Variants in AMPD2 observed in about 807,000 individuals in gnomAD.
AMPD2 encodes the protein adenosine monophosphate deaminase 2.
AMPD2 carries 52 observed loss-of-function variants against 91.3 expected under a neutral mutation model. That is an observed-to-expected ratio of 0.57 (90% CI 0.46 to 0.72). AMPD2 has a LOEUF of 0.72. AMPD2 is among the 30% of genes least tolerant of loss of function. AMPD2 has a pLI of 0.00. For synonymous variants in AMPD2, 455 were observed against 456.4 expected (o/e 1.00, Z 0.04); for missense variants, 822 against 1,122.3 (o/e 0.73, Z 3.82).
At chr1:109,627,717 C>T in intron 9 of AMPD2, 57 bp from the exon 10 acceptor site, 1 of 1,602,254 alleles carries the variant, frequency 6.2e-7, no homozygotes, top group South Asian at 1.1e-5. Flanking sequence ...TACCCAAGCC[C>T]TCCCCAGGTG....
chr1:109,631,249 T>C lies in AMPD2; in HGVS notation c.*97T>C. ...GTGTGGTCTCTGCATGTCTCCATTC[T>C]TCTCTGTCTCTGTCTTGCATGTCTC... is the stretch of plus-strand genomic sequence containing the variant. On this transcript the variant is annotated 3_prime_UTR_variant, in exon 19 of 19. Transcript: ENST00000528667. The C allele has an allele frequency of 8.3e-7, 1 of 1,204,004 alleles. No homozygotes were observed. The highest frequency in any genetic ancestry group is 1.4e-5 in the South Asian group (1 of 73,290). The allele number at this position is 1,204,004 out of a possible 1,614,324, so 74.6% of individuals were successfully genotyped here.
chr1:109,626,500 G>T, intron 6 of AMPD2, 73 bp downstream of exon 6: 1 of 1,445,262 alleles, frequency 6.9e-7, no homozygotes, highest in Non-Finnish European at 9.3e-7. Context: ...CTGGAGAGCT[G>T]GGGGTGGGGG....
chr1:109,620,155 C>G lies in AMPD2; in HGVS notation c.-386C>G. On this transcript the variant is annotated 5_prime_UTR_variant, in exon 1 of 19. Coordinates refer to ENST00000528667, the MANE Select transcript of AMPD2 (RefSeq NM_001368809.2). ...CCCATCTCAGTGCCAGGGCAGGGGC[C>G]CTTGGAGTGACTTGGCTGGGGTCTG... 1 of 1,445,300 alleles carries G rather than the reference C, an allele frequency of 6.9e-7. No individual in the cohort carries two copies. Among genetic ancestry groups the G allele is most frequent in the Non-Finnish European group, 9.7e-7 (1 of 1,028,018 alleles). 89.5% of individuals were successfully genotyped at this position (1,445,300 alleles called of 1,614,324 possible).
chr1:109,630,464 G>A, intron 17 of AMPD2, 58 bp downstream of exon 17: 2 of 1,502,600 alleles, frequency 1.3e-6, no homozygotes, highest in Non-Finnish European at 1.8e-6. Flanking sequence ...GGGTCTCCCG[G>A]GTTGGGTGGG....
intron 17 of AMPD2, 114 bp from the exon 18 acceptor site, chr1:109,630,561 AGGGGTTGG>A (rs980367933): frequency 2.4e-5 from 5 of 210,846 alleles, no homozygotes; most frequent in Admixed American, 1.6e-4. Flanking sequence ...TATGGAGTTG[AGGGGTTGG>A]GGGGTTGGGG....
intron 13 of AMPD2, 55 bp from the exon 14 acceptor site, chr1:109,629,054 G>C: frequency 6.3e-7 from 1 of 1,599,920 alleles, no homozygotes; most frequent in Non-Finnish European, 8.5e-7. Context: ...TGGACCGCTG[G>C]GTTTCCTCCC....
At position 109,624,978 on chromosome 1, in the gene AMPD2, C is replaced by T. The variant is rs530914889; in HGVS notation, c.92-325C>T. On this transcript the variant is annotated intron_variant, in intron 2 of 18. Coordinates refer to ENST00000528667, the MANE Select transcript of AMPD2 (RefSeq NM_001368809.2). This position sits in a 1 kb window ranked among gnomAD's most constrained non-coding sequence, Gnocchi z 5.2. ...GTGCACACGTACACACGTGCACCTG[C>T]CTCTGGGAGGTAGTCACGTGGAGAT... Among the ~76,000 whole-genome samples the T allele has an allele frequency of 3.3e-5, 5 of 152,240 alleles. No homozygotes were observed. The South Asian group carries it at 1.0e-3, about 32-fold the overall frequency.
rs1226925472 is a variant in AMPD2 at position 109,631,340 on chromosome 1, T to C, written c.*188T>C. 1.8e-5 allele frequency: 12 copies of C among 666,052 alleles called. No homozygotes were observed. Among genetic ancestry groups the C allele is most frequent in the Non-Finnish European group, 2.6e-6 (1 of 386,590 alleles). The allele number at this position is 666,052 out of a possible 1,614,324, so 41.3% of individuals were successfully genotyped here. On this transcript the variant is annotated 3_prime_UTR_variant, in exon 19 of 19. Transcript: ENST00000528667. ...GCCTGGGAATCTGCTCATTGTTGTT[T>C]GGGCTCAGGTATTGAGCCTGATGGC...
chr1:109,621,133 G>A lies in AMPD2; in HGVS notation c.-43G>A. The A allele has an allele frequency of 6.3e-7, 1 of 1,598,250 alleles. No homozygotes were observed. The highest frequency in any genetic ancestry group is 8.5e-7 in the Non-Finnish European group (1 of 1,172,150). On this transcript the variant is annotated 5_prime_UTR_variant, in exon 2 of 19. In the 5' UTR this introduces an upstream ATG that the reference lacks. Coordinates refer to ENST00000528667, the MANE Select transcript of AMPD2 (RefSeq NM_001368809.2). Reference sequence around the variant, plus strand: ...ATGTGGCAGAGCCAGGCCCCAGCCGGTGCCGCTCAGACTCCCCCGCTGTCG... The same window carrying A: ...ATGTGGCAGAGCCAGGCCCCAGCCGATGCCGCTCAGACTCCCCCGCTGTCG...
At chr1:109,623,889 A>T in intron 2 of AMPD2, 1 of 506,916 alleles carries the variant, frequency 2.0e-6, no homozygotes, top group Non-Finnish European at 2.5e-6. Flanking sequence ...TTATCTCCCA[A>T]CTCTGATGCT....
chr1:109,627,631 C>A, intron 9 of AMPD2, 113 bp downstream of exon 9: 2 of 1,511,816 alleles, frequency 1.3e-6, no homozygotes, highest in East Asian at 2.3e-5. Flanking sequence ...AGTTGCTGAG[C>A]CCTCGACTTC....
Position 109,625,208 on chromosome 1 carries a change from G to T in AMPD2, c.92-95G>T. On this transcript the variant is annotated intron_variant, in intron 2 of 18. Coordinates refer to ENST00000528667, the MANE Select transcript of AMPD2 (RefSeq NM_001368809.2). This position sits in a 1 kb window ranked among gnomAD's most constrained non-coding sequence, Gnocchi z 4.0. ...AGGGACTGCCCTCTTTCCCGACCCT[G>T]GGCTCTCTCGGGAGCTGGCCTAGGC... The T allele has an allele frequency of 6.6e-7, 1 of 1,522,986 alleles. No homozygotes were observed. Among genetic ancestry groups the T allele is most frequent in the East Asian group, 2.3e-5 (1 of 43,822 alleles). 94.3% of individuals were successfully genotyped at this position (1,522,986 alleles called of 1,614,324 possible). A position where few individuals can be genotyped will look rare whatever the true frequency, so the allele number is the denominator to read the frequency against.
At position 109,626,001 on chromosome 1, in the gene AMPD2, C is replaced by G. The variant is rs551776531; in HGVS notation, c.354-159C>G. ...GTTGCTTAACTTATGGGTCTGCTTT[C>G]TCATCTCTAAAGTGAGTGAGAACAG... On this transcript the variant is annotated intron_variant, in intron 4 of 18. Transcript: ENST00000528667. 9.1e-4 allele frequency: 1,028 copies of G among 1,127,512 alleles called. 1 individual carries two copies. Among genetic ancestry groups the G allele is most frequent in the Admixed American group, 1.4e-3 (67 of 47,512 alleles). The allele number at this position is 1,127,512 out of a possible 1,614,324, so 69.8% of individuals were successfully genotyped here.
Position 109,626,869 on chromosome 1 carries a change from G to C in AMPD2, c.675G>C (p.Glu225Asp), listed in dbSNP as rs779349341. 8.7e-6 allele frequency: 14 copies of C among 1,613,920 alleles called. No individual in the cohort carries two copies. Among genetic ancestry groups the C allele is most frequent in the Non-Finnish European group, 1.2e-5 (14 of 1,179,918 alleles). ...YLQQLAEKPL[E>D]TRTYEQGPDT... ...AGCAGCTGGCTGAAAAGCCTCTGGA[G>C]ACCCGGACCTATGAACAGGGCCCCG... is the stretch of plus-strand genomic sequence containing the variant. Residue 225 changes from glutamate (E) to aspartate (D), a missense_variant, in exon 7 of 19, where the codon GAG (glutamate) becomes GAC (aspartate). By Grantham distance (45) the Glu-to-Asp change is conservative. Around this residue, in one of 5 missense-constraint regions of AMPD2, gnomAD observed 240 missense variants for 270.3 expected, o/e 0.89. Transcript: ENST00000528667.
intron 13 of AMPD2, 46 bp from the exon 14 acceptor site, chr1:109,629,063 C>T (rs1322372608): frequency 1.2e-6 from 2 of 1,602,756 alleles, no homozygotes; most frequent in Non-Finnish European, 1.7e-6. Context: ...GGGTTTCCTC[C>T]CACTGGCCCT....
intron 14 of AMPD2, 37 bp from the exon 15 acceptor site, chr1:109,629,290 C>T (rs568290140): frequency 6.2e-7 from 1 of 1,614,004 alleles, no homozygotes; most frequent in Admixed American, 1.7e-5. Context: ...TCGCATCCAG[C>T]TGCAGCTCTG....
chr1:109,624,510 A>G lies in AMPD2; in HGVS notation c.92-793A>G, dbSNP rs935268558. Among the ~76,000 whole-genome samples, 6 of 152,142 alleles carry G rather than the reference A, an allele frequency of 3.9e-5. No homozygotes were observed. The highest frequency in any genetic ancestry group is 1.5e-5 in the Non-Finnish European group (1 of 68,006). On this transcript the variant is annotated intron_variant, in intron 2 of 18. Transcript: ENST00000528667. This position sits in a 1 kb window ranked among gnomAD's most constrained non-coding sequence, Gnocchi z 5.2. The stretch of plus-strand genomic sequence containing the variant: ...CCTGGCTTCTGACACTCCCTTCCCC[A>G]GGGCCCTCTGTGGTGCCCCCGGTCC...
At position 109,620,037 on chromosome 1, in the gene AMPD2, A is replaced by G; in HGVS notation, c.-504A>G. 3 of 565,552 alleles carry G rather than the reference A, an allele frequency of 5.3e-6. No individual in the cohort carries two copies. The highest frequency in any genetic ancestry group is 9.6e-6 in the Non-Finnish European group (3 of 313,856). 35.0% of individuals were successfully genotyped at this position (565,552 alleles called of 1,614,324 possible). A position where few individuals can be genotyped will look rare whatever the true frequency, so the allele number is the denominator to read the frequency against. ...TCGATTGCAGGGTTGGGTGGTCGCG[A>G]CACCGGGGTCGCCTTGAGGCCAGTC... On this transcript the variant is annotated 5_prime_UTR_variant, in exon 1 of 19. Transcript: ENST00000528667.
Position 109,631,062 on chromosome 1 carries a change from G to A in AMPD2, c.2388G>A (p.Glu796=), listed in dbSNP as rs202071045. The A allele has an allele frequency of 1.2e-6, 2 of 1,614,018 alleles. No homozygotes were observed. Among genetic ancestry groups the A allele is most frequent in the Admixed American group, 3.3e-5 (2 of 60,004 alleles). The part of the protein sequence containing the change: ...VGYRYETLCQ[E]LALITQAVQS... ...ACCGCTACGAGACCCTGTGCCAGGA[G>A]CTGGCGCTCATCACGCAGGCAGTCC... is the stretch of plus-strand genomic sequence containing the variant. Residue 796 remains glutamate (E), a synonymous_variant, in exon 19 of 19, where the codon GAG becomes GAA. Coordinates refer to ENST00000528667, the MANE Select transcript of AMPD2 (RefSeq NM_001368809.2).
Sources: gnomAD v4.1 joint callset for allele counts (sites outside exome capture counted in the v4.1 genomes callset) on GRCh38, gnomAD v4.1.1 for gene constraint, gnomAD v4.1.1 regional missense constraint, Gnocchi (gnomAD v3.1) non-coding constraint, MANE v1.5 for transcripts, NCBI Gene and HGNC (gene_info 2026-07-23, HGNC 2026-07-21) for gene names.